The following ASB3 variants were observed in gnomAD, a reference collection of about 807,000 sequenced individuals.
ASB3 encodes the protein ankyrin repeat and SOCS box protein 3.
In ASB3, 41 loss-of-function variants were observed where a neutral mutation model predicts 54.5. That is an observed-to-expected ratio of 0.75 (90% CI 0.59 to 0.98). The LOEUF is 0.98. Ranked by LOEUF, ASB3 falls within the 50% of genes least tolerant of loss-of-function variation. The probability of loss-of-function intolerance (pLI) is 0.00; values close to 1 mark genes in which losing one functional copy is unlikely to be tolerated. For synonymous variants in ASB3, 266 were observed against 221.2 expected (o/e 1.20, Z -1.80); for missense variants, 733 against 620.0 (o/e 1.18, Z -1.94).
Position 53,670,446 on chromosome 2 carries a change from T to C in ASB3, c.*57A>G, listed in dbSNP as rs1337282528. The stretch of plus-strand genomic sequence containing the variant: ...ATAAAAACTTGTACTCTGTGGCTCT[T>C]TTGTCTCGATGATTTTTCAGAGAAA... On this transcript the variant is annotated 3_prime_UTR_variant, in exon 10 of 10. Transcript: ENST00000263634. 1.3e-6 allele frequency: 2 copies of C among 1,563,746 alleles called. No homozygotes were observed. Among genetic ancestry groups the C allele is most frequent in the Non-Finnish European group, 1.7e-6 (2 of 1,154,934 alleles).
intron 3 of ASB3, among the ~76,000 whole-genome samples, chr2:53,744,012 C>T (rs1008899455): frequency 6.7e-6 from 1 of 149,176 alleles, no homozygotes; most frequent in African/African-American, 2.5e-5. Flanking sequence ...CACTGCACTC[C>T]AGCCTGGGTG....
intron 1 of ASB3, chr2:53,767,858 G>T: frequency 6.3e-7 from 1 of 1,587,754 alleles, no homozygotes; most frequent in Non-Finnish European, 8.6e-7. Flanking sequence ...TAGGGTTCAC[G>T]GCCACTGGGG....
At chr2:53,696,346 G>T (rs542227949) in intron 8 of ASB3, among the ~76,000 whole-genome samples, 1 of 152,084 alleles carries the variant, frequency 6.6e-6, no homozygotes, top group Non-Finnish European at 1.5e-5. Context: ...ACACCCAATG[G>T]CTTATTGCGA....
chr2:53,711,028 G>A (rs190338192), intron 7 of ASB3, among the ~76,000 whole-genome samples: 2 of 152,206 alleles, frequency 1.3e-5, no homozygotes, highest in Admixed American at 1.3e-4. Flanking sequence ...TACTCAAGAG[G>A]CTGAGGCAGG....
Position 53,714,549 on chromosome 2 carries a change from C to A in ASB3, c.815G>T (p.Arg272Leu), listed in dbSNP as rs149868186. 15 of 1,614,054 alleles carry A rather than the reference C, an allele frequency of 9.3e-6. No homozygotes were observed. Among genetic ancestry groups the A allele is most frequent in the Non-Finnish European group, 1.3e-5 (15 of 1,180,004 alleles). Residue 272 changes from arginine (R) to leucine (L), a missense_variant, in exon 7 of 10, where the codon CGG becomes CTG. Coordinates refer to ENST00000263634, the MANE Select transcript of ASB3 (RefSeq NM_016115.5). Reference protein sequence around the residue: ...ILDLLIPLTNRACDTGLNKVS... With the variant: ...ILDLLIPLTNLACDTGLNKVS... ...TTTGTTTAGCCCAGTGTCACAGGCC[C>A]GGTTAGTAAGTGGTATTAACAAGTC...
intron 7 of ASB3, among the ~76,000 whole-genome samples, chr2:53,709,760 TTCC>T (rs1247289923): frequency 5.3e-5 from 8 of 152,314 alleles, no homozygotes; most frequent in Middle Eastern, 3.4e-3. Flanking sequence ...CAATCATCCT[TTCC>T]TCCTCCTATT....
chr2:53,675,991 C>G (rs554490634), intron 9 of ASB3, among the ~76,000 whole-genome samples: 4 of 152,138 alleles, frequency 2.6e-5, no homozygotes, highest in African/African-American at 9.6e-5. Flanking sequence ...AGAATTTTTA[C>G]AAAATACATG....
chr2:53,779,977 A>G (rs1281107398), intron 1 of ASB3, among the ~76,000 whole-genome samples: 1 of 152,246 alleles, frequency 6.6e-6, no homozygotes, highest in African/African-American at 2.4e-5. Flanking sequence ...TTAAAAGATT[A>G]CATGATAGTA....
rs538506963 is a variant in ASB3, at chr2:53,726,839, G to A, written c.604+1873C>T. The stretch of plus-strand genomic sequence containing the variant: ...AGCCTCCCCAGTAGCTCGGACAGGT[G>A]CGTGCCACCACACCGGGCTAATTTT... On this transcript the variant is annotated intron_variant, in intron 5 of 9. Transcript: ENST00000263634. Among the ~76,000 whole-genome samples the A allele has an allele frequency of 7.9e-5, 12 of 152,046 alleles. No homozygotes were observed. The East Asian group carries it at 1.6e-3, about 20-fold the overall frequency.
chr2:53,781,739 C>T (rs2104220898), intron 1 of ASB3, among the ~76,000 whole-genome samples: 1 of 152,350 alleles, frequency 6.6e-6, no homozygotes, highest in African/African-American at 2.4e-5. Context: ...AGGTGATCCG[C>T]CTGCCTCAGC....
At chr2:53,744,573 T>C (rs1448839285) in intron 3 of ASB3, among the ~76,000 whole-genome samples, 4 of 152,068 alleles carry the variant, frequency 2.6e-5, no homozygotes, top group Non-Finnish European at 5.9e-5. Flanking sequence ...TTAAAGAACA[T>C]GTCCTCAAGT....
intron 3 of ASB3, among the ~76,000 whole-genome samples, chr2:53,749,123 A>G (rs950320890): frequency 1.3e-5 from 2 of 152,140 alleles, no homozygotes; most frequent in Non-Finnish European, 2.9e-5. Context: ...CATAAGTCTG[A>G]AATTATTTCA....
At chr2:53,693,756 C>A (rs1669039891) in intron 9 of ASB3, 128 bp downstream of exon 9, 8 of 1,339,614 alleles carry the variant, frequency 6.0e-6, no homozygotes, top group Non-Finnish European at 7.9e-6. Flanking sequence ...CTTTTCCTCA[C>A]ATAAGAAAAT....
chr2:53,698,980 G>A (rs1669334749), intron 8 of ASB3, among the ~76,000 whole-genome samples: 2 of 152,162 alleles, frequency 1.3e-5, no homozygotes, highest in Non-Finnish European at 2.9e-5. Flanking sequence ...CCAAATTTCT[G>A]TCTTAGTCCA....
chr2:53,700,456 G>A lies in ASB3; in HGVS notation c.1053C>T (p.Tyr351=), dbSNP rs1211169961. The A allele has an allele frequency of 6.2e-7, 1 of 1,613,976 alleles. No homozygotes were observed. The highest frequency in any genetic ancestry group is 1.3e-5 in the African/African-American group (1 of 74,918). ...TCGAAAACTTCTCGTACTTCAGGCA[G>A]TATGCCAAATGAAGTTCATTTATCT... The part of the protein sequence containing the change: ...GAQINELHLA[Y]CLKYEKFSIF... The change falls in exon 8 of 10, where the codon TAC becomes TAT. Residue 351 remains tyrosine, a synonymous_variant. Transcript: ENST00000263634.
chr2:53,767,842 G>C (rs199814886), intron 1 of ASB3: 1,264 of 1,565,826 alleles, frequency 8.1e-4, no homozygotes, highest in Non-Finnish European at 1.0e-3. Context: ...GCGGCGCGGC[G>C]ACAGCTAGGG....
intron 2 of ASB3, among the ~76,000 whole-genome samples, chr2:53,762,288 A>T (rs1334323285): frequency 6.6e-6 from 1 of 152,214 alleles, no homozygotes; most frequent in African/African-American, 2.4e-5. Context: ...ATGATGGCCC[A>T]GAGTTTCTGG....
At chr2:53,678,378 C>A (rs931466000) in intron 9 of ASB3, among the ~76,000 whole-genome samples, 37 of 152,142 alleles carry the variant, frequency 2.4e-4, no homozygotes, top group Admixed American at 2.6e-4. Context: ...TGGTAAATAA[C>A]AAGAGAATGC....
intron 5 of ASB3, among the ~76,000 whole-genome samples, chr2:53,718,255 G>C (rs1670506892): frequency 6.6e-6 from 1 of 150,910 alleles, no homozygotes; most frequent in South Asian, 2.1e-4. Flanking sequence ...TAACACTAAA[G>C]AAAAAATCTT....
Sources: gnomAD v4.1 joint callset for allele counts (sites outside exome capture counted in the v4.1 genomes callset) on GRCh38, gnomAD v4.1.1 for gene constraint, MANE v1.5 for transcripts, NCBI Gene and HGNC (gene_info 2026-07-23, HGNC 2026-07-21) for gene names.